The following KCNMA1 variants were observed in gnomAD, a reference collection of about 807,000 sequenced individuals.
The protein encoded by KCNMA1 is Calcium-activated potassium channel subunit alpha-1.
A neutral mutation model predicts 140.0 loss-of-function variants in KCNMA1; 29 were observed. The observed-to-expected ratio is 0.21, with a 90% CI of 0.15 to 0.28. The LOEUF is 0.28. Among genes scored for constraint, KCNMA1 ranks in the 10% least tolerant of loss-of-function variants. KCNMA1 has a pLI of 1.00. For missense variants in KCNMA1, 880 were observed against 1,602.2 expected (o/e 0.55, Z 7.70); for synonymous variants, 612 against 611.9 (o/e 1.00, Z 0.00).
chr10:77,225,245 A>C (rs193278653), intron 3 of KCNMA1, among the ~76,000 whole-genome samples: 17 of 152,282 alleles, frequency 1.1e-4, no homozygotes, highest in Non-Finnish European at 1.9e-4. Flanking sequence ...GCATTACAGC[A>C]AAAAAGACTG....
At chr10:77,573,786 A>C (rs1407111795) in intron 1 of KCNMA1, among the ~76,000 whole-genome samples, 1 of 149,070 alleles carries the variant, frequency 6.7e-6, no homozygotes, top group African/African-American at 2.5e-5. Flanking sequence ...TTCCAGACTC[A>C]CCCTGTATAC....
chr10:77,271,728 C>CA lies in KCNMA1; in HGVS notation c.541-20473dup, dbSNP rs574277269. 5.4e-3 allele frequency among the ~76,000 whole-genome samples: 818 copies of CA among 151,888 alleles called. 3 individuals are homozygous for CA. The highest frequency in any genetic ancestry group is 0.019 in the African/African-American group (775 of 41,422). On this transcript the variant is annotated intron_variant, in intron 2 of 27. Coordinates refer to ENST00000286628, the MANE Select transcript of KCNMA1 (RefSeq NM_001161352.2). ...CCCAGAATGGCCTTACTGGAAGATG[C>CA]AAAAAAAATCTCTCATTGTGAACAG...
chr10:77,257,999 G>T (rs1332431285), intron 2 of KCNMA1, among the ~76,000 whole-genome samples: 1 of 152,186 alleles, frequency 6.6e-6, no homozygotes, highest in Non-Finnish European at 1.5e-5. Flanking sequence ...ATGTGGAGAA[G>T]GAAGAGCACA....
chr10:77,071,173 G>A (rs2096195396), intron 14 of KCNMA1: 1 of 152,244 alleles, frequency 6.6e-6, no homozygotes, highest in South Asian at 2.1e-4. Context: ...GCCCATCAGG[G>A]TCTGGAGGAA....
intron 15 of KCNMA1, among the ~76,000 whole-genome samples, chr10:77,029,017 A>G (rs528101840): frequency 6.6e-6 from 1 of 152,334 alleles, no homozygotes; most frequent in African/African-American, 2.4e-5. Flanking sequence ...TGGCTTTTCA[A>G]AGAATATTTC....
intron 2 of KCNMA1, among the ~76,000 whole-genome samples, chr10:77,258,911 C>A (rs59568268): frequency 2.0e-5 from 3 of 152,068 alleles, no homozygotes; most frequent in Non-Finnish European, 2.9e-5. Flanking sequence ...TTCAGCAAGC[C>A]GAGATAACGC....
chr10:77,492,432 T>C lies in KCNMA1; in HGVS notation c.379-88409A>G, dbSNP rs534605936. On this transcript the variant is annotated intron_variant, in intron 1 of 27. Coordinates refer to ENST00000286628, the MANE Select transcript of KCNMA1 (RefSeq NM_001161352.2). ...TGGCCACCTGTGTACTTGTATTTCT[T>C]ATTGAAGCCACTGCATTTACTCTGT... Among the ~76,000 whole-genome samples the C allele has an allele frequency of 2.6e-5, 4 of 152,350 alleles. No homozygotes were observed. In the South Asian group the frequency reaches 8.3e-4, roughly 32 times the overall value.
intron 5 of KCNMA1, among the ~76,000 whole-genome samples, chr10:77,154,154 AACTC>A (rs1727448641): frequency 6.6e-6 from 1 of 151,492 alleles, no homozygotes; most frequent in Non-Finnish European, 1.5e-5. Context: ...CCCCTGCTTG[AACTC>A]ACTCTGTCCT....
chr10:77,498,271 G>A (rs2042641802), intron 1 of KCNMA1, among the ~76,000 whole-genome samples: 1 of 152,162 alleles, frequency 6.6e-6, no homozygotes, highest in Non-Finnish European at 1.5e-5. Flanking sequence ...CAGGCACCGG[G>A]ACTCCCTGGT....
Position 77,073,101 on chromosome 10 carries a change from A to G in KCNMA1, c.1745T>C (p.Ile582Thr). The change falls in exon 14 of 28, where the codon ATA becomes ACA. Residue 582 changes from isoleucine (I) to threonine (T), a missense_variant. Transcript: ENST00000286628. ...TCTAATAAGACGAGACGTTACCTTT[A>G]TGAATGACCTCATGGAGAAGAGGTT... is the stretch of plus-strand genomic sequence containing the variant. ...LANLFSMRSF[I>T]KIEEDTWQKY... The G allele has an allele frequency of 3.1e-6, 5 of 1,614,082 alleles. No homozygotes were observed. The highest frequency in any genetic ancestry group is 3.4e-6 in the Non-Finnish European group (4 of 1,179,940).
chr10:77,279,505 T>A (rs929371356), intron 2 of KCNMA1, among the ~76,000 whole-genome samples: 1 of 152,188 alleles, frequency 6.6e-6, no homozygotes, highest in Non-Finnish European at 1.5e-5. Context: ...CAACACACTT[T>A]ACAAATAACA....
chr10:77,256,939 AC>A (rs2060895797), intron 2 of KCNMA1, among the ~76,000 whole-genome samples: 1 of 152,174 alleles, frequency 6.6e-6, no homozygotes, highest in Non-Finnish European at 1.5e-5. Flanking sequence ...CCATATCTCT[AC>A]AAAAAAAACT....
chr10:77,614,150 C>T (rs2088308605), intron 1 of KCNMA1, among the ~76,000 whole-genome samples: 1 of 152,160 alleles, frequency 6.6e-6, no homozygotes, highest in African/African-American at 2.4e-5. Flanking sequence ...ATTAAATACC[C>T]TGAGAGAGCC....
intron 2 of KCNMA1, among the ~76,000 whole-genome samples, chr10:77,283,932 G>A (rs2069654158): frequency 6.6e-6 from 1 of 152,198 alleles, no homozygotes; most frequent in Non-Finnish European, 1.5e-5. Context: ...TCGCACTGGA[G>A]CTGGCATCTG....
rs575580256 is a variant in KCNMA1 at position 76,935,175 on chromosome 10, G to A, written c.2902+9598C>T. 7.2e-5 allele frequency among the ~76,000 whole-genome samples: 11 copies of A among 152,338 alleles called. No individual in the cohort carries two copies. In the East Asian group the frequency reaches 1.4e-3, roughly 19 times the overall value. On this transcript the variant is annotated intron_variant, in intron 23 of 27. Coordinates refer to ENST00000286628, the MANE Select transcript of KCNMA1 (RefSeq NM_001161352.2). ...GTATCTCTCATTGTTGGAACAGCTA[G>A]GGTCAAGGGGCTCAAAAAATGGGGA...
chr10:77,004,375 T>C (rs1426777788), intron 18 of KCNMA1, among the ~76,000 whole-genome samples: 1 of 152,174 alleles, frequency 6.6e-6, no homozygotes, highest in African/African-American at 2.4e-5. Context: ...TGCCACCAAC[T>C]GGGAAGGTGG....
chr10:76,918,784 G>A (rs1055745517), intron 23 of KCNMA1, among the ~76,000 whole-genome samples: 1 of 152,030 alleles, frequency 6.6e-6, no homozygotes, highest in Non-Finnish European at 1.5e-5. Flanking sequence ...AAAGATACTT[G>A]CACACGAATG....
At chr10:77,629,030 G>C (rs1317702899) in intron 1 of KCNMA1, among the ~76,000 whole-genome samples, 1 of 152,190 alleles carries the variant, frequency 6.6e-6, no homozygotes, top group Non-Finnish European at 1.5e-5. Context: ...AGAAAATAAA[G>C]GAGATGTGTT....
At chr10:77,288,813 C>A (rs1028448537) in intron 2 of KCNMA1, among the ~76,000 whole-genome samples, 2 of 152,190 alleles carry the variant, frequency 1.3e-5, no homozygotes, top group Non-Finnish European at 2.9e-5. Context: ...TACTGATACT[C>A]GCATTTTAAC....
Sources: gnomAD v4.1 joint callset for allele counts (sites outside exome capture counted in the v4.1 genomes callset) on GRCh38, gnomAD v4.1.1 for gene constraint, MANE v1.5 for transcripts, NCBI Gene and HGNC (gene_info 2026-07-23, HGNC 2026-07-21) for gene names.